The following PCCA variants were observed in gnomAD, a reference collection of about 807,000 sequenced individuals.
PCCA encodes the protein propionyl-CoA carboxylase alpha chain, mitochondrial.
PCCA carries 74 observed loss-of-function variants against 101.3 expected under a neutral mutation model. The observed-to-expected ratio is 0.73, with a 90% CI of 0.61 to 0.89. The LOEUF is 0.89. Among genes scored for constraint, PCCA ranks in the 40% least tolerant of loss-of-function variants. PCCA has a pLI of 0.00. For synonymous variants in PCCA, 294 were observed against 313.6 expected (o/e 0.94, Z 0.66); for missense variants, 891 against 907.0 (o/e 0.98, Z 0.23).
At chr13:100,348,825 T>TC (rs2072819973) in intron 18 of PCCA, among the ~76,000 whole-genome samples, 2 of 147,142 alleles carry the variant, frequency 1.4e-5, no homozygotes, top group African/African-American at 2.5e-5. Flanking sequence ...CCTTTCTTTC[T>TC]TTTCTCTCTC....
At chr13:100,216,669 A>G (rs2059541072) in intron 7 of PCCA, among the ~76,000 whole-genome samples, 2 of 152,240 alleles carry the variant, frequency 1.3e-5, no homozygotes, top group Admixed American at 1.3e-4. Context: ...TATTAGAGGC[A>G]CCAAAAGAAA....
At chr13:100,187,906 C>T (rs1345410292) in intron 6 of PCCA, among the ~76,000 whole-genome samples, 1 of 152,072 alleles carries the variant, frequency 6.6e-6, no homozygotes, top group African/African-American at 2.4e-5. Flanking sequence ...GCCCCCTTCC[C>T]ACCCTTTCCC....
chr13:100,317,167 A>G (rs2067452461), intron 16 of PCCA, among the ~76,000 whole-genome samples: 1 of 152,204 alleles, frequency 6.6e-6, no homozygotes, highest in Non-Finnish European at 1.5e-5. Context: ...TGTACATAAG[A>G]TCAATATTTT....
chr13:100,527,544 A>C, intron 22 of PCCA, 131 bp from the exon 23 acceptor site: 2 of 714,928 alleles, frequency 2.8e-6, no homozygotes, highest in Non-Finnish European at 2.6e-6. Flanking sequence ...AGGAAACATT[A>C]GAGATTGTTG....
At chr13:100,339,504 A>G (rs2070989712) in intron 17 of PCCA, among the ~76,000 whole-genome samples, 5 of 152,162 alleles carry the variant, frequency 3.3e-5, no homozygotes, top group Admixed American at 3.3e-4. Flanking sequence ...TTGACTCACA[A>G]CCTTCTTGAA....
At chr13:100,461,674 G>A (rs2082173376) in intron 21 of PCCA, among the ~76,000 whole-genome samples, 1 of 152,142 alleles carries the variant, frequency 6.6e-6, no homozygotes, top group South Asian at 2.1e-4. Flanking sequence ...ATGGCTTACT[G>A]GGGTTTCTTG....
chr13:100,190,043 G>C (rs926207723), intron 6 of PCCA, among the ~76,000 whole-genome samples: 1 of 152,180 alleles, frequency 6.6e-6, no homozygotes, highest in African/African-American at 2.4e-5. Flanking sequence ...ATGAGGTGTT[G>C]CCCTTCATTT....
chr13:100,264,188 CTGTATATCATATATGT>C (rs2062770359), intron 10 of PCCA, among the ~76,000 whole-genome samples: 2 of 101,786 alleles, frequency 2.0e-5, no homozygotes, highest in African/African-American at 3.7e-5. Flanking sequence ...TATGTGATAT[CTGTATATCATATATGT>C]GATATCTGTA....
At chr13:100,172,687 T>G (rs959058043) in intron 6 of PCCA, among the ~76,000 whole-genome samples, 1 of 152,270 alleles carries the variant, frequency 6.6e-6, no homozygotes, top group Non-Finnish European at 1.5e-5. Context: ...GGCCATGTTA[T>G]GAATGCGTGA....
chr13:100,416,466 G>A (rs2078369212), intron 19 of PCCA, among the ~76,000 whole-genome samples: 1 of 152,012 alleles, frequency 6.6e-6, no homozygotes, highest in South Asian at 2.1e-4. Flanking sequence ...AGAGGCGTGA[G>A]CCACCGTGCC....
intron 20 of PCCA, among the ~76,000 whole-genome samples, chr13:100,431,078 C>T (rs1435894976): frequency 1.3e-5 from 2 of 152,172 alleles, no homozygotes; most frequent in East Asian, 3.8e-4. Flanking sequence ...GTGCCCTTAA[C>T]ATTTTTTTTC....
chr13:100,221,894 T>C (rs867322443), intron 7 of PCCA, among the ~76,000 whole-genome samples: 1 of 151,814 alleles, frequency 6.6e-6, no homozygotes, highest in South Asian at 2.1e-4. Flanking sequence ...TGAACCACCA[T>C]GTCCAGCTAA....
At chr13:100,453,779 ACAC>A (rs1283014438) in intron 21 of PCCA, among the ~76,000 whole-genome samples, 1 of 152,036 alleles carries the variant, frequency 6.6e-6, no homozygotes, top group Non-Finnish European at 1.5e-5. Flanking sequence ...AAACAAAAAC[ACAC>A]CACATGTACA....
At chr13:100,129,696 G>T (rs2050304058) in intron 4 of PCCA, among the ~76,000 whole-genome samples, 2 of 152,164 alleles carry the variant, frequency 1.3e-5, no homozygotes, top group Non-Finnish European at 2.9e-5. Context: ...TGCCTCCCTA[G>T]GTCCACAGTC....
intron 2 of PCCA, chr13:100,104,346 GT>G (rs1276608675): frequency 1.3e-5 from 2 of 152,150 alleles, no homozygotes; most frequent in African/African-American, 4.8e-5. Context: ...GTTTGGCTCT[GT>G]CCCCATCCAA....
At chr13:100,345,842 C>A (rs983409125) in intron 18 of PCCA, among the ~76,000 whole-genome samples, 1 of 152,072 alleles carries the variant, frequency 6.6e-6, no homozygotes, top group Non-Finnish European at 1.5e-5. Flanking sequence ...ATTTCATAAA[C>A]CCTAGGGTCT....
intron 6 of PCCA, among the ~76,000 whole-genome samples, chr13:100,192,972 T>C (rs1023953757): frequency 6.6e-6 from 1 of 152,194 alleles, no homozygotes. Flanking sequence ...CTCTTGAGTG[T>C]GAAAACCATG....
chr13:100,412,022 A>C (rs2078083826), intron 19 of PCCA, among the ~76,000 whole-genome samples: 1 of 152,220 alleles, frequency 6.6e-6, no homozygotes, highest in Non-Finnish European at 1.5e-5. Flanking sequence ...GTATGAACCT[A>C]AATTAGATCT....
At chr13:100,494,217 G>A (rs940377234) in intron 21 of PCCA, among the ~76,000 whole-genome samples, 1 of 151,058 alleles carries the variant, frequency 6.6e-6, no homozygotes, top group African/African-American at 2.5e-5. Flanking sequence ...AATAAATAAA[G>A]GGCAAACTTT....
Sources: gnomAD v4.1 joint callset for allele counts (sites outside exome capture counted in the v4.1 genomes callset) on GRCh38, gnomAD v4.1.1 for gene constraint, MANE v1.5 for transcripts, NCBI Gene and HGNC (gene_info 2026-07-23, HGNC 2026-07-21) for gene names.